OR8I2: variants seen among roughly 807,000 people sequenced by gnomAD.
OR8I2 encodes olfactory receptor 8I2.
For missense variants in OR8I2, 431 were observed against 368.3 expected (o/e 1.17, Z -1.39); for synonymous variants, 158 against 142.8 (o/e 1.11, Z -0.76).
rs753978393 is a variant in OR8I2, at chr11:56,094,157, C to T, written c.850C>T (p.Leu284=). The T allele has an allele frequency of 6.2e-7, 1 of 1,611,388 alleles. No homozygotes were observed. Among genetic ancestry groups the T allele is most frequent in the South Asian group, 1.1e-5 (1 of 91,020 alleles). The change falls in exon 1 of 1, where the codon CTG becomes TTG. Residue 284 remains leucine (L), a synonymous_variant. Coordinates refer to ENST00000302124, the MANE Select transcript of OR8I2 (RefSeq NM_001003750.1). ...ATTCTATACGATTGTCATTCCCATGCTGAATCCACTCATCTACAGTCTGAG... is the reference window on the plus strand; with the variant it reads ...ATTCTATACGATTGTCATTCCCATGTTGAATCCACTCATCTACAGTCTGAG... ...SVFYTIVIPM[L]NPLIYSLRNK... is the part of the protein sequence containing the mutation.
Position 56,093,822 on chromosome 11 carries a change from G to A in OR8I2, c.515G>A (p.Ser172Asn), listed in dbSNP as rs1265768726. The A allele has an allele frequency of 6.2e-7, 1 of 1,613,154 alleles. No individual in the cohort carries two copies. The highest frequency in any genetic ancestry group is 8.5e-7 in the Non-Finnish European group (1 of 1,179,422). Residue 172 changes from serine to asparagine, a missense_variant, in exon 1 of 1, where the codon AGC (serine) becomes AAC (asparagine). Coordinates refer to ENST00000302124, the MANE Select transcript of OR8I2 (RefSeq NM_001003750.1). Reference sequence around the variant, plus strand: ...AGCAGTTTGGCGTTCTGTGATTCCAGCATCAATCATTTTTTTTGTGACACC... The same window carrying A: ...AGCAGTTTGGCGTTCTGTGATTCCAACATCAATCATTTTTTTTGTGACACC... ...VISSLAFCDS[S>N]INHFFCDTTA... is the part of the protein sequence containing the mutation.
At position 56,093,720 on chromosome 11, in the gene OR8I2, A is replaced by C. The variant is rs1447193853; in HGVS notation, c.413A>C (p.Gln138Pro). Residue 138 changes from glutamine (Q) to proline (P), a missense_variant, in exon 1 of 1, where the codon CAA becomes CCA. Coordinates refer to ENST00000302124, the MANE Select transcript of OR8I2 (RefSeq NM_001003750.1). ...TTACTGTATTCAGTAGTCATGTCCC[A>C]AAAAGTGTCCAACTGGCTGGGAGTA... ...NPLLYSVVMS[Q>P]KVSNWLGVMP... 9 of 1,614,002 alleles carry C rather than the reference A, an allele frequency of 5.6e-6. No homozygotes were observed. Among genetic ancestry groups the C allele is most frequent in the Non-Finnish European group, 7.6e-6 (9 of 1,179,928 alleles).
chr11:56,093,413 C>T lies in OR8I2; in HGVS notation c.106C>T (p.Leu36=). 3 of 1,613,792 alleles carry T rather than the reference C, an allele frequency of 1.9e-6. No individual in the cohort carries two copies. Among genetic ancestry groups the T allele is most frequent in the African/African-American group, 1.3e-5 (1 of 75,032 alleles). The part of the protein sequence containing the change: ...SLFLMFLFIY[L]FTVLGNLGLI... ...TTTCTTGATGTTTCTCTTCATTTAT[C>T]TATTCACTGTTTTGGGAAACCTGGG... The change falls in exon 1 of 1, where the codon CTA becomes TTA. Residue 36 remains leucine (L), a synonymous_variant. Transcript: ENST00000302124.
Position 56,093,883 on chromosome 11 carries a change from C to G in OR8I2, c.576C>G (p.Phe192Leu), listed in dbSNP as rs554118968. ...TAGCACTCTCCTGTGTAGATACATT[C>G]GGCACAGAAATGGTGAGCTTTGTCT... is the stretch of plus-strand genomic sequence containing the variant. The part of the protein sequence containing the change: ...ALLALSCVDT[F>L]GTEMVSFVLA... The change falls in exon 1 of 1, where the codon TTC becomes TTG. Residue 192 changes from phenylalanine (F) to leucine (L), a missense_variant. Phe to Leu is a conservative substitution (Grantham distance 22, BLOSUM62 0). Transcript: ENST00000302124. The G allele has an allele frequency of 1.9e-6, 3 of 1,612,914 alleles. No individual in the cohort carries two copies. Among genetic ancestry groups the G allele is most frequent in the Admixed American group, 1.7e-5 (1 of 59,844 alleles).
Position 56,093,773 on chromosome 11 carries a change from T to A in OR8I2, c.466T>A (p.Ser156Thr). ...GCCATATGTGATAGGCTTCACAAGCTCGCTGATATCTGTCTGGGTGATAAG... is the reference window on the plus strand; with the variant it reads ...GCCATATGTGATAGGCTTCACAAGCACGCTGATATCTGTCTGGGTGATAAG... ...VMPYVIGFTS[S>T]LISVWVISSL... Residue 156 changes from serine to threonine, a missense_variant, in exon 1 of 1, where the codon TCG (serine) becomes ACG (threonine). By Grantham distance (58) the Ser-to-Thr change is moderately conservative. Transcript: ENST00000302124. 1 of 1,614,010 alleles carries A rather than the reference T, an allele frequency of 6.2e-7. No homozygotes were observed.
rs141691557 is a variant in OR8I2, at chr11:56,094,027, C to T, written c.720C>T (p.Cys240=). Residue 240 remains cysteine (C), a synonymous_variant, in exon 1 of 1, where the codon TGC becomes TGT. Transcript: ENST00000302124. ...GCAGGCAGAAGGCCTTCTCCACCTG[C>T]GCATCCCACCTCATGGCTGTAACTA... ...AAGRQKAFST[C]ASHLMAVTIF... 5.5e-5 allele frequency: 88 copies of T among 1,613,850 alleles called. 2 individuals are homozygous for T. Among genetic ancestry groups the T allele is most frequent in the South Asian group, 2.9e-4 (26 of 91,072 alleles).
rs753609559 is a variant in OR8I2 at position 56,093,905 on chromosome 11, G to A, written c.598G>A (p.Val200Ile). ...ATTCGGCACAGAAATGGTGAGCTTT[G>A]TCTTAGCTGGATTCACTCTTCTTAG... ...DTFGTEMVSFVLAGFTLLSSL... is the reference protein window; with the variant it reads ...DTFGTEMVSFILAGFTLLSSL... The change falls in exon 1 of 1, where the codon GTC becomes ATC. Residue 200 changes from valine to isoleucine, a missense_variant. Physicochemically the swap from Val to Ile is conservative, Grantham distance 29 (BLOSUM62 3). Transcript: ENST00000302124. The A allele has an allele frequency of 6.2e-7, 1 of 1,613,880 alleles. No individual in the cohort carries two copies. Among genetic ancestry groups the A allele is most frequent in the Non-Finnish European group, 8.5e-7 (1 of 1,179,936 alleles).
In OR8I2 at chr11:56,094,053, T is replaced by A. The variant is rs1163150108; in HGVS notation, c.746T>A (p.Ile249Asn). The A allele has an allele frequency of 6.2e-7, 1 of 1,614,014 alleles. No individual in the cohort carries two copies. The highest frequency in any genetic ancestry group is 1.7e-5 in the Admixed American group (1 of 59,966). The change falls in exon 1 of 1, where the codon ATC (isoleucine) becomes AAC (asparagine). Residue 249 changes from isoleucine to asparagine, a missense_variant. Physicochemically the swap from Ile to Asn is moderately radical, Grantham distance 149. Coordinates refer to ENST00000302124, the MANE Select transcript of OR8I2 (RefSeq NM_001003750.1). Reference protein sequence around the residue: ...TCASHLMAVTIFYGSLIFTYL... With the variant: ...TCASHLMAVTNFYGSLIFTYL... ...GCATCCCACCTCATGGCTGTAACTA[T>A]CTTTTATGGGTCTCTGATTTTCACC...
Position 56,093,498 on chromosome 11 carries a change from G to A in OR8I2, c.191G>A (p.Ser64Asn), listed in dbSNP as rs994352839. Residue 64 changes from serine (S) to asparagine (N), a missense_variant, in exon 1 of 1, where the codon AGC becomes AAC. Ser to Asn is a conservative substitution (Grantham distance 46). Transcript: ENST00000302124. ...QLHTPMYFFL[S>N]NLAFIDIFYS... ...CACACCCCTATGTACTTTTTCCTGA[G>A]CAATTTAGCATTTATTGACATATTT... The A allele has an allele frequency of 6.2e-7, 1 of 1,613,786 alleles. No individual in the cohort carries two copies. Among genetic ancestry groups the A allele is most frequent in the East Asian group, 2.2e-5 (1 of 44,870 alleles).
Position 56,093,791 on chromosome 11 carries a change from G to A in OR8I2, c.484G>A (p.Val162Met), listed in dbSNP as rs774876259. Reference sequence around the variant, plus strand: ...CACAAGCTCGCTGATATCTGTCTGGGTGATAAGCAGTTTGGCGTTCTGTGA... The same window carrying A: ...CACAAGCTCGCTGATATCTGTCTGGATGATAAGCAGTTTGGCGTTCTGTGA... ...GFTSSLISVW[V>M]ISSLAFCDSS... The change falls in exon 1 of 1, where the codon GTG becomes ATG. Residue 162 changes from valine (V) to methionine (M), a missense_variant. Physicochemically the swap from Val to Met is conservative, Grantham distance 21. Transcript: ENST00000302124. The A allele has an allele frequency of 6.2e-7, 1 of 1,613,170 alleles. No homozygotes were observed.
At position 56,093,531 on chromosome 11, in the gene OR8I2, C is replaced by G. The variant is rs762424867; in HGVS notation, c.224C>G (p.Ser75Cys). The G allele has an allele frequency of 3.1e-6, 5 of 1,613,950 alleles. No individual in the cohort carries two copies. The highest frequency in any genetic ancestry group is 3.4e-6 in the Non-Finnish European group (4 of 1,179,926). ...NLAFIDIFYS[S>C]TVTPKALVNF... ...GCATTTATTGACATATTTTACTCCTCTACTGTAACACCTAAGGCATTGGTG... is the reference window on the plus strand; with the variant it reads ...GCATTTATTGACATATTTTACTCCTGTACTGTAACACCTAAGGCATTGGTG... Residue 75 changes from serine to cysteine, a missense_variant, in exon 1 of 1, where the codon TCT becomes TGT. Physicochemically the swap from Ser to Cys is moderately radical, Grantham distance 112. Coordinates refer to ENST00000302124, the MANE Select transcript of OR8I2 (RefSeq NM_001003750.1).
At position 56,093,579 on chromosome 11, in the gene OR8I2, C is replaced by A. The variant is rs1312869408; in HGVS notation, c.272C>A (p.Ser91Tyr). 4 of 1,613,830 alleles carry A rather than the reference C, an allele frequency of 2.5e-6. No homozygotes were observed. The highest frequency in any genetic ancestry group is 3.4e-6 in the Non-Finnish European group (4 of 1,179,972). Residue 91 changes from serine (S) to tyrosine (Y), a missense_variant, in exon 1 of 1, where the codon TCC (serine) becomes TAC (tyrosine). Ser to Tyr is a moderately radical substitution (Grantham distance 144). Transcript: ENST00000302124. The stretch of plus-strand genomic sequence containing the variant: ...GTGAATTTCCAATCCAATCGGAGAT[C>A]CATCTCCTTTGTTGGCTGCTTTGTT... The part of the protein sequence containing the change: ...ALVNFQSNRR[S>Y]ISFVGCFVQM...
In OR8I2 at chr11:56,094,125, C is replaced by T. The variant is rs374284659; in HGVS notation, c.818C>T (p.Ala273Val). ...TCATCGCTGACCCAGGCGCAGGTGG[C>T]ATCTGTATTCTATACGATTGTCATT... ...NTSSLTQAQV[A>V]SVFYTIVIPM... The change falls in exon 1 of 1, where the codon GCA (alanine) becomes GTA (valine). Residue 273 changes from alanine to valine, a missense_variant. Physicochemically the swap from Ala to Val is moderately conservative, Grantham distance 64. Transcript: ENST00000302124. The T allele has an allele frequency of 3.7e-6, 6 of 1,613,832 alleles. No homozygotes were observed. The highest frequency in any genetic ancestry group is 5.1e-6 in the Non-Finnish European group (6 of 1,179,890).
At position 56,093,815 on chromosome 11, in the gene OR8I2, GATTCCAGC is replaced by G; in HGVS notation, c.511_518del (p.Ser171GlnfsTer6). ...GGTGATAAGCAGTTTGGCGTTCTGTGATTCCAGCATCAATCATTTTTTTTGTGACACCA... is the reference window on the plus strand; with the variant it reads ...GGTGATAAGCAGTTTGGCGTTCTGTGATCAATCATTTTTTTTGTGACACCA... On this transcript the variant is annotated frameshift_variant, in exon 1 of 1. Transcript: ENST00000302124. LOFTEE classifies it low-confidence loss of function (END_TRUNC). The G allele has an allele frequency of 6.2e-7, 1 of 1,613,550 alleles. No individual in the cohort carries two copies. The highest frequency in any genetic ancestry group is 8.5e-7 in the Non-Finnish European group (1 of 1,179,676).
In OR8I2 at chr11:56,093,931, C is replaced by T. The variant is rs1853916922; in HGVS notation, c.624C>T (p.Ser208=). 6.2e-7 allele frequency: 1 copy of T among 1,613,980 alleles called. No individual in the cohort carries two copies. Among genetic ancestry groups the T allele is most frequent in the Non-Finnish European group, 8.5e-7 (1 of 1,179,972 alleles). The change falls in exon 1 of 1, where the codon AGC becomes AGT. Residue 208 remains serine (S), a synonymous_variant. Coordinates refer to ENST00000302124, the MANE Select transcript of OR8I2 (RefSeq NM_001003750.1). ...TCTTAGCTGGATTCACTCTTCTTAGCTCTCTCCTTATCATCACAGTCACTT... is the reference window on the plus strand; with the variant it reads ...TCTTAGCTGGATTCACTCTTCTTAGTTCTCTCCTTATCATCACAGTCACTT... ...SFVLAGFTLL[S]SLLIITVTYI...
chr11:56,093,410 T>C lies in OR8I2; in HGVS notation c.103T>C (p.Tyr35His). ...TCTTTTCTTGATGTTTCTCTTCATT[T>C]ATCTATTCACTGTTTTGGGAAACCT... The part of the protein sequence containing the change: ...VSLFLMFLFI[Y>H]LFTVLGNLGL... The change falls in exon 1 of 1, where the codon TAT becomes CAT. Residue 35 changes from tyrosine (Y) to histidine (H), a missense_variant. Transcript: ENST00000302124. 2 of 1,613,830 alleles carry C rather than the reference T, an allele frequency of 1.2e-6. No homozygotes were observed. Among genetic ancestry groups the C allele is most frequent in the Non-Finnish European group, 1.7e-6 (2 of 1,179,824 alleles).
chr11:56,094,011 A>T lies in OR8I2; in HGVS notation c.704A>T (p.Lys235Met). 6.2e-7 allele frequency: 1 copy of T among 1,613,922 alleles called. No homozygotes were observed. Among genetic ancestry groups the T allele is most frequent in the Non-Finnish European group, 8.5e-7 (1 of 1,179,918 alleles). ...LRIQSAAGRQ[K>M]AFSTCASHLM... is the part of the protein sequence containing the mutation. Reference sequence around the variant, plus strand: ...ATCCAGTCAGCAGCAGGCAGGCAGAAGGCCTTCTCCACCTGCGCATCCCAC... The same window carrying T: ...ATCCAGTCAGCAGCAGGCAGGCAGATGGCCTTCTCCACCTGCGCATCCCAC... The change falls in exon 1 of 1, where the codon AAG (lysine) becomes ATG (methionine). Residue 235 changes from lysine to methionine, a missense_variant. Physicochemically the swap from Lys to Met is moderately conservative, Grantham distance 95. Transcript: ENST00000302124.
rs1229079560 is a variant in OR8I2, at chr11:56,093,603, T to C, written c.296T>C (p.Val99Ala). The C allele has an allele frequency of 6.2e-7, 1 of 1,614,020 alleles. No homozygotes were observed. Among genetic ancestry groups the C allele is most frequent in the Non-Finnish European group, 8.5e-7 (1 of 1,179,976 alleles). Reference protein sequence around the residue: ...RRSISFVGCFVQMYFFVGLVC... With the variant: ...RRSISFVGCFAQMYFFVGLVC... ...TCCATCTCCTTTGTTGGCTGCTTTG[T>C]TCAAATGTACTTTTTTGTTGGATTG... is the stretch of plus-strand genomic sequence containing the variant. Residue 99 changes from valine to alanine, a missense_variant, in exon 1 of 1, where the codon GTT (valine) becomes GCT (alanine). Val to Ala is a moderately conservative substitution (Grantham distance 64). Transcript: ENST00000302124.
chr11:56,093,969 T>A lies in OR8I2; in HGVS notation c.662T>A (p.Ile221Asn). The change falls in exon 1 of 1, where the codon ATC (isoleucine) becomes AAC (asparagine). Residue 221 changes from isoleucine (I) to asparagine (N), a missense_variant. Ile to Asn is a moderately radical substitution (Grantham distance 149). Coordinates refer to ENST00000302124, the MANE Select transcript of OR8I2 (RefSeq NM_001003750.1). ...ATCACAGTCACTTATATCATCATCA[T>A]CTCAGCCATCCTGAGGATCCAGTCA... ...LIITVTYIII[I>N]SAILRIQSAA... 1 of 1,614,020 alleles carries A rather than the reference T, an allele frequency of 6.2e-7. No individual in the cohort carries two copies. The highest frequency in any genetic ancestry group is 1.1e-5 in the South Asian group (1 of 91,082).
Sources: allele counts gnomAD v4.1 joint callset, GRCh38; gene constraint gnomAD v4.1.1; transcripts MANE v1.5; gene names NCBI Gene and HGNC (gene_info 2026-07-23, HGNC 2026-07-21).